Variants in ITPR2 observed in about 807,000 individuals in gnomAD.
ITPR2 encodes inositol 1,4,5-trisphosphate-gated calcium channel ITPR2.
ITPR2 carries 207 observed loss-of-function variants against 317.1 expected under a neutral mutation model. The ratio of observed to expected loss-of-function variants is 0.65; its 90% CI spans 0.58 to 0.73. The LOEUF (loss-of-function observed/expected upper bound fraction) is 0.73. ITPR2 is among the 30% of genes least tolerant of loss of function. The pLI is 0.00. For missense variants in ITPR2, 2,613 were observed against 3,284.0 expected, an observed-to-expected ratio of 0.80 and a Z score of 4.99; for synonymous variants, 1,156 against 1,149.1, an observed-to-expected ratio of 1.01 and a Z score of -0.12.
At chr12:26,788,835 A>C (rs1950299515) in intron 2 of ITPR2, among the ~76,000 whole-genome samples, 1 of 151,974 alleles carries the variant, frequency 6.6e-6, no homozygotes, top group Admixed American at 6.6e-5. Flanking sequence ...ATCTTTACAC[A>C]ATGTGCTAGC....
chr12:26,614,751 C>T lies in ITPR2; in HGVS notation c.3462+6372G>A, dbSNP rs187556937. ...CAATTATATGAAATTCTGGAGAAGG[C>T]AAACCTACAGAGAAAAAAAATCAGT... On this transcript the variant is annotated intron_variant, in intron 26 of 56. Transcript: ENST00000381340. Among the ~76,000 whole-genome samples the T allele has an allele frequency of 7.2e-5, 11 of 152,064 alleles. No individual in the cohort carries two copies. The East Asian group carries it at 2.1e-3, about 29-fold the overall frequency.
At chr12:26,694,970 A>G (rs1351698265) in intron 10 of ITPR2, among the ~76,000 whole-genome samples, 3 of 152,168 alleles carry the variant, frequency 2.0e-5, no homozygotes, top group Non-Finnish European at 4.4e-5. Context: ...CACCTCCCCC[A>G]TGTCAATATC....
chr12:26,566,446 A>AAGAGGGGAGGAGG (rs1363413031), intron 34 of ITPR2, among the ~76,000 whole-genome samples: 1 of 122,216 alleles, frequency 8.2e-6, no homozygotes, highest in Non-Finnish European at 1.7e-5. Flanking sequence ...AAGGAGAGGA[A>AAGAGGGGAGGAGG]AGAGGGGAGG....
chr12:26,705,108 C>T (rs1192554287), intron 9 of ITPR2, among the ~76,000 whole-genome samples: 2 of 152,122 alleles, frequency 1.3e-5, no homozygotes, highest in Non-Finnish European at 2.9e-5. Context: ...TTTAAAAATA[C>T]ATTTTATAAA....
intron 55 of ITPR2, among the ~76,000 whole-genome samples, chr12:26,360,408 C>A (rs980143448): frequency 5.9e-5 from 9 of 152,188 alleles, no homozygotes; most frequent in Non-Finnish European, 1.3e-4. Flanking sequence ...TTTAGCTTCC[C>A]CTGGTCCCAA....
chr12:26,734,443 A>G (rs1949082359), intron 2 of ITPR2, among the ~76,000 whole-genome samples: 1 of 152,220 alleles, frequency 6.6e-6, no homozygotes, highest in African/African-American at 2.4e-5. Flanking sequence ...TGTAACTATC[A>G]ATACGACAGA....
chr12:26,765,623 G>A (rs1259513600), intron 2 of ITPR2, among the ~76,000 whole-genome samples: 1 of 151,856 alleles, frequency 6.6e-6, no homozygotes, highest in Admixed American at 6.5e-5. Flanking sequence ...CATACCTTTT[G>A]GTTTTTTAAC....
chr12:26,556,556 ATTTTT>A (rs11312773), intron 35 of ITPR2, among the ~76,000 whole-genome samples, 181 bp from the exon 36 acceptor site: 24 of 133,854 alleles, frequency 1.8e-4, no homozygotes, highest in African/African-American at 6.6e-4. Context: ...CTGGGTCTCT[ATTTTT>A]TTTTTTGTGT....
At chr12:26,750,095 G>A (rs1410550316) in intron 2 of ITPR2, among the ~76,000 whole-genome samples, 2 of 152,204 alleles carry the variant, frequency 1.3e-5, no homozygotes, top group African/African-American at 4.8e-5. Flanking sequence ...CCTTGCATAA[G>A]AGTAGCACAT....
chr12:26,785,709 A>G (rs12813917), intron 2 of ITPR2, among the ~76,000 whole-genome samples: 11 of 17,860 alleles, frequency 6.2e-4, no homozygotes, highest in Admixed American at 2.1e-3. Context: ...AGGTGGGGGG[A>G]TCAGTCCCCC....
chr12:26,816,340 G>T (rs113380144), intron 1 of ITPR2, among the ~76,000 whole-genome samples: 197 of 152,196 alleles, frequency 1.3e-3, no homozygotes, highest in African/African-American at 4.6e-3. Flanking sequence ...TTAACGTCAT[G>T]GTGATACTAT....
At chr12:26,400,519 A>G (rs949506937) in intron 52 of ITPR2, 1 of 167,428 alleles carries the variant, frequency 6.0e-6, no homozygotes, top group African/African-American at 2.4e-5. Flanking sequence ...ACCTCCTTCC[A>G]AAGGGCTATT....
At chr12:26,650,397 C>T (rs1054164374) in intron 21 of ITPR2, among the ~76,000 whole-genome samples, 3 of 152,116 alleles carry the variant, frequency 2.0e-5, no homozygotes, top group Non-Finnish European at 4.4e-5. Flanking sequence ...TGTCCAAATA[C>T]ATAGAATGTG....
rs1210928635 is a variant in ITPR2, at chr12:26,599,187, A to G, written c.3960T>C (p.Asp1320=). ...CCTGGCATTTCTTCACATATTTACC[A>G]TCTGCTTTTACAATTGTTTGCAAAA... ...LRFLQTIVKA[D]GKYVKKCQDM... The change falls in exon 30 of 57, where the codon GAT becomes GAC. Residue 1320 remains aspartate (D), a synonymous_variant. Transcript: ENST00000381340. 2 of 1,613,968 alleles carry G rather than the reference A, an allele frequency of 1.2e-6. No homozygotes were observed. Among genetic ancestry groups the G allele is most frequent in the African/African-American group, 2.7e-5 (2 of 74,920 alleles).
intron 15 of ITPR2, among the ~76,000 whole-genome samples, chr12:26,661,343 T>C (rs1264398403): frequency 2.0e-5 from 3 of 146,506 alleles, no homozygotes; most frequent in African/African-American, 7.6e-5. Flanking sequence ...TGTGTGTGTG[T>C]ACGCACACAC....
intron 9 of ITPR2, among the ~76,000 whole-genome samples, chr12:26,708,189 G>A (rs575370484): frequency 2.0e-4 from 30 of 152,208 alleles, no homozygotes; most frequent in African/African-American, 4.3e-4. Flanking sequence ...ACAGTATGGC[G>A]GTTCCTCAAA....
chr12:26,657,683 G>A (rs376389344), intron 18 of ITPR2, 24 bp downstream of exon 18: 1 of 1,595,824 alleles, frequency 6.3e-7, no homozygotes, highest in Admixed American at 1.7e-5. Context: ...GGGAATTATT[G>A]TAAGATTGTC....
chr12:26,769,298 C>T (rs773305249), intron 2 of ITPR2, among the ~76,000 whole-genome samples: 4 of 152,148 alleles, frequency 2.6e-5, no homozygotes, highest in Admixed American at 6.5e-5. Flanking sequence ...GTAAAACAAA[C>T]ATTGCCACCC....
At chr12:26,760,822 C>A (rs538417768) in intron 2 of ITPR2, among the ~76,000 whole-genome samples, 41 of 152,216 alleles carry the variant, frequency 2.7e-4, no homozygotes, top group Non-Finnish European at 4.7e-4. Context: ...TAGGAAAATA[C>A]TCTATTAGGA....
Sources: gnomAD v4.1 joint callset for allele counts (sites outside exome capture counted in the v4.1 genomes callset) on GRCh38, gnomAD v4.1.1 for gene constraint, MANE v1.5 for transcripts, NCBI Gene and HGNC (gene_info 2026-07-23, HGNC 2026-07-21) for gene names.